JAKMIP1: variants seen among roughly 807,000 people sequenced by gnomAD.
JAKMIP1 encodes janus kinase and microtubule interacting protein 1.
JAKMIP1 carries 33 observed loss-of-function variants against 113.0 expected under a neutral mutation model. The observed-to-expected ratio is 0.29, with a 90% confidence interval of 0.22 to 0.39. The LOEUF (loss-of-function observed/expected upper bound fraction) is 0.39. Among genes scored for constraint, JAKMIP1 ranks in the 10% least tolerant of loss-of-function variants. The pLI is 1.00. For synonymous variants in JAKMIP1, 480 were observed against 459.9 expected (o/e 1.04, Z -0.56); for missense variants, 813 against 1,080.5 (o/e 0.75, Z 3.47).
intron 19 of JAKMIP1, among the ~76,000 whole-genome samples, chr4:6,034,273 A>G (rs1159344180): frequency 7.6e-6 from 1 of 132,036 alleles, no homozygotes; most frequent in Non-Finnish European, 1.6e-5. Flanking sequence ...CATGAGGAAG[A>G]CAGTGAGGCC....
Position 6,089,678 on chromosome 4 carries a change from A to G in JAKMIP1, c.625-4049T>C, listed in dbSNP as rs1425079366. On this transcript the variant is annotated intron_variant, in intron 3 of 20. Transcript: ENST00000409021. This position sits in a 1 kb window ranked among gnomAD's most constrained non-coding sequence, Gnocchi z 5.3. ...AATGTATCTTAGTGAAAACAAGCCC[A>G]CTGACCCATGACTGATTTGGTGAGC... Among the ~76,000 whole-genome samples the G allele has an allele frequency of 6.6e-6, 1 of 152,218 alleles. No individual in the cohort carries two copies. Among genetic ancestry groups the G allele is most frequent in the Non-Finnish European group, 1.5e-5 (1 of 68,044 alleles).
rs1404256376 is a variant in JAKMIP1 at position 6,105,569 on chromosome 4, G to T, written c.528C>A (p.Asp176Glu). The part of the protein sequence containing the change: ...EEALSNCMQA[D>E]KTKAADLRAA... Reference sequence around the variant, plus strand: ...CACGCAGGTCGGCTGCCTTGGTCTTGTCAGCCTGCATGCAGTTACTGAGCG... The same window carrying T: ...CACGCAGGTCGGCTGCCTTGGTCTTTTCAGCCTGCATGCAGTTACTGAGCG... Residue 176 changes from aspartate to glutamate, a missense_variant, in exon 3 of 21, where the codon GAC becomes GAA. Transcript: ENST00000409021. The T allele has an allele frequency of 1.9e-6, 3 of 1,601,688 alleles. No homozygotes were observed. In the South Asian group the frequency reaches 3.4e-5, roughly 18 times the overall value.
rs1164689366 is a variant in JAKMIP1 at position 6,080,432 on chromosome 4, A to G, written c.1102-120T>C. The G allele has an allele frequency of 5.8e-6, 7 of 1,216,152 alleles. No individual in the cohort carries two copies. In the African/African-American group the frequency reaches 1.1e-4, roughly 19 times the overall value. 75.3% of individuals were successfully genotyped at this position (1,216,152 alleles called of 1,614,324 possible). On this transcript the variant is annotated intron_variant, in intron 6 of 20. Transcript: ENST00000409021. This position sits in a 1 kb window ranked among gnomAD's most constrained non-coding sequence, Gnocchi z 6.0. ...AAGGATGGATGGGAGGATGAAAGAG[A>G]TGATGGCCTGATATGGTTTGGCTGT... is the stretch of plus-strand genomic sequence containing the variant.
intron 3 of JAKMIP1, 33 bp from the exon 4 acceptor site, chr4:6,085,662 AG>A (rs1344868058): frequency 6.3e-7 from 1 of 1,596,440 alleles, no homozygotes; most frequent in Non-Finnish European, 8.6e-7. Flanking sequence ...AGTCAGCCCT[AG>A]GGGCTCATGA....
In JAKMIP1 at chr4:6,040,475, G is replaced by A. The variant is rs1273046468; in HGVS notation, c.2175+164C>T. 6.6e-6 allele frequency among the ~76,000 whole-genome samples: 1 copy of A among 152,154 alleles called. No individual in the cohort carries two copies. Among genetic ancestry groups the A allele is most frequent in the Non-Finnish European group, 1.5e-5 (1 of 68,016 alleles). Reference sequence around the variant, plus strand: ...AAAATCACGATTGATTTGGAAAAAGGGACAGTCTGTACGGTCATTCCAGTC... The same window carrying A: ...AAAATCACGATTGATTTGGAAAAAGAGACAGTCTGTACGGTCATTCCAGTC... On this transcript the variant is annotated intron_variant, in intron 18 of 20. Coordinates refer to ENST00000409021, the MANE Select transcript of JAKMIP1 (RefSeq NM_001099433.2). This position sits in a 1 kb window ranked among gnomAD's most constrained non-coding sequence, Gnocchi z 5.8.
At chr4:6,165,178 A>G (rs1036707102) in intron 1 of JAKMIP1, among the ~76,000 whole-genome samples, 1 of 152,232 alleles carries the variant, frequency 6.6e-6, no homozygotes, top group Non-Finnish European at 1.5e-5. Context: ...CACCACTCTG[A>G]TCAGTCAACA....
intron 12 of JAKMIP1, chr4:6,054,922 G>A: frequency 2.2e-6 from 1 of 447,928 alleles, no homozygotes; most frequent in South Asian, 1.6e-5. Context: ...GAAATGGGAT[G>A]AGGGGGTGAG....
At chr4:6,170,668 ACCCTTC>A (rs1724467320) in intron 1 of JAKMIP1, among the ~76,000 whole-genome samples, 1 of 147,584 alleles carries the variant, frequency 6.8e-6, no homozygotes, top group Non-Finnish European at 1.5e-5. Context: ...CAATCCCACC[ACCCTTC>A]TCACCTCCAC....
intron 1 of JAKMIP1, among the ~76,000 whole-genome samples, chr4:6,169,291 G>A (rs1187831627): frequency 1.3e-5 from 2 of 152,158 alleles, no homozygotes; most frequent in Non-Finnish European, 2.9e-5. Context: ...AGGCCATGAT[G>A]GACTAGGGTG....
intron 11 of JAKMIP1, 148 bp downstream of exon 11, chr4:6,060,276 G>A: frequency 1.5e-6 from 1 of 683,562 alleles, no homozygotes; most frequent in Non-Finnish European, 2.7e-6. Flanking sequence ...TCGTGCCTGG[G>A]TTCTGCTAGT....
At position 6,049,512 on chromosome 4, in the gene JAKMIP1, G is replaced by A. The variant is rs1715396779; in HGVS notation, c.1962+307C>T. Among the ~76,000 whole-genome samples, 3 of 151,966 alleles carry A rather than the reference G, an allele frequency of 2.0e-5. No individual in the cohort carries two copies. Among genetic ancestry groups the A allele is most frequent in the Non-Finnish European group, 4.4e-5 (3 of 68,004 alleles). On this transcript the variant is annotated intron_variant, in intron 15 of 20. Coordinates refer to ENST00000409021, the MANE Select transcript of JAKMIP1 (RefSeq NM_001099433.2). The surrounding 1 kb of genome is among the most constrained non-coding windows in gnomAD (Gnocchi z 7.0). ...ACATGCAAGCTCATCTTTCAGGACGGCAAAAAGATCCCTTTCTGATTTCAG... is the reference window on the plus strand; with the variant it reads ...ACATGCAAGCTCATCTTTCAGGACGACAAAAAGATCCCTTTCTGATTTCAG...
intron 1 of JAKMIP1, among the ~76,000 whole-genome samples, chr4:6,147,049 C>G (rs1335881501): frequency 6.6e-6 from 1 of 152,106 alleles, no homozygotes; most frequent in Non-Finnish European, 1.5e-5. Context: ...ACCTCTGCCT[C>G]CTGGGTTCAA....
Position 6,153,525 on chromosome 4 carries a change from T to C in JAKMIP1, c.-147-40528A>G, listed in dbSNP as rs1721865228. 1.3e-5 allele frequency among the ~76,000 whole-genome samples: 2 copies of C among 152,266 alleles called. No homozygotes were observed. The highest frequency in any genetic ancestry group is 4.1e-4 in the South Asian group (2 of 4,834). ...GACTTCTGCATAAAATGCATGGTTC[T>C]TCTTTTCTTAAAATTAGCTTTCCGG... On this transcript the variant is annotated intron_variant, in intron 1 of 20. Coordinates refer to ENST00000409021, the MANE Select transcript of JAKMIP1 (RefSeq NM_001099433.2). The surrounding 1 kb of genome is among the most constrained non-coding windows in gnomAD (Gnocchi z 4.9).
In JAKMIP1 at chr4:6,040,204, ACCTTAT is replaced by A. The variant is rs1560100602; in HGVS notation, c.2175+429_2175+434del. ...CAACCCAAATGCAGTATTACATCCG[ACCTTAT>A]ACCTCGTCCCTTCGGTTCTGAAAAT... On this transcript the variant is annotated intron_variant, in intron 18 of 20. Coordinates refer to ENST00000409021, the MANE Select transcript of JAKMIP1 (RefSeq NM_001099433.2). The surrounding 1 kb of genome is among the most constrained non-coding windows in gnomAD (Gnocchi z 5.8). 6.6e-6 allele frequency among the ~76,000 whole-genome samples: 1 copy of A among 152,228 alleles called. No homozygotes were observed. Among genetic ancestry groups the A allele is most frequent in the South Asian group, 2.1e-4 (1 of 4,814 alleles).
chr4:6,058,925 A>G (rs2108780305), intron 11 of JAKMIP1, among the ~76,000 whole-genome samples: 1 of 152,340 alleles, frequency 6.6e-6, no homozygotes, highest in Admixed American at 6.5e-5. Context: ...AAGCCTTATC[A>G]TCTCGCACCT....
intron 1 of JAKMIP1, among the ~76,000 whole-genome samples, chr4:6,134,835 C>T (rs1270918374): frequency 1.3e-5 from 2 of 152,236 alleles, no homozygotes; most frequent in East Asian, 1.9e-4. Flanking sequence ...ATCCTCTCTC[C>T]CCCACCAGAG....
At chr4:6,134,799 G>A (rs1479427982) in intron 1 of JAKMIP1, among the ~76,000 whole-genome samples, 3 of 152,214 alleles carry the variant, frequency 2.0e-5, no homozygotes. Flanking sequence ...TACTGCACCA[G>A]GCCTGGGGAG....
At position 6,129,838 on chromosome 4, in the gene JAKMIP1, A is replaced by G. The variant is rs1718257778; in HGVS notation, c.-147-16841T>C. Among the ~76,000 whole-genome samples, 1 of 152,210 alleles carries G rather than the reference A, an allele frequency of 6.6e-6. No individual in the cohort carries two copies. The highest frequency in any genetic ancestry group is 2.4e-5 in the African/African-American group (1 of 41,450). ...CCACCATCACCTGTCACTGTCCCCCAGTCAAAGAATCATCACGTTCACCTC... is the reference window on the plus strand; with the variant it reads ...CCACCATCACCTGTCACTGTCCCCCGGTCAAAGAATCATCACGTTCACCTC... On this transcript the variant is annotated intron_variant, in intron 1 of 20. Transcript: ENST00000409021. This position sits in a 1 kb window ranked among gnomAD's most constrained non-coding sequence, Gnocchi z 5.4.
At chr4:6,098,590 GGA>G (rs1230138110) in intron 3 of JAKMIP1, among the ~76,000 whole-genome samples, 16 of 127,154 alleles carry the variant, frequency 1.3e-4, no homozygotes, top group Non-Finnish European at 2.4e-4. Context: ...AAGAAGGAAA[GGA>G]AGAAAGAAAG....
Sources: allele counts gnomAD v4.1 joint callset (sites outside exome capture counted in the v4.1 genomes callset), GRCh38; gene constraint gnomAD v4.1.1; non-coding constraint Gnocchi (gnomAD v3.1); transcripts MANE v1.5; gene names NCBI Gene and HGNC (gene_info 2026-07-23, HGNC 2026-07-21).